The following ZNF423 variants were observed in gnomAD, a reference collection of about 807,000 sequenced individuals.
ZNF423 encodes Ebf-associated zinc finger protein.
Under a neutral mutation model 95.8 loss-of-function variants are expected in ZNF423, and 12 were observed. That is an observed-to-expected ratio of 0.13 (90% confidence interval 0.08 to 0.20). ZNF423 has a LOEUF of 0.20. ZNF423 is among the 10% of genes least tolerant of loss of function. The pLI, the probability that ZNF423 is intolerant of heterozygous loss-of-function variation, is 1.00. For missense variants in ZNF423, 1,316 were observed against 1,737.1 expected (o/e 0.76, Z 4.31); for synonymous variants, 749 against 711.9 (o/e 1.05, Z -0.83).
In ZNF423 at chr16:49,635,323, G is replaced by T. The variant is rs921180192; in HGVS notation, c.3516+337C>A. Among the ~76,000 whole-genome samples, 1 of 152,234 alleles carries T rather than the reference G, an allele frequency of 6.6e-6. No homozygotes were observed. The highest frequency in any genetic ancestry group is 2.4e-5 in the African/African-American group (1 of 41,450). On this transcript the variant is annotated intron_variant, in intron 4 of 7. Coordinates refer to ENST00000563137, the MANE Select transcript of ZNF423 (RefSeq NM_001379286.1). The surrounding 1 kb of genome is among the most constrained non-coding windows in gnomAD (Gnocchi z 4.8). ...CCACCACCCATGGTGCCCTCACTGT[G>T]CATCAGCCACTGTGCCAGGCACATT... is the stretch of plus-strand genomic sequence containing the variant.
chr16:49,754,055 T>C (rs2033680961), intron 2 of ZNF423, among the ~76,000 whole-genome samples: 1 of 148,798 alleles, frequency 6.7e-6, no homozygotes, highest in Non-Finnish European at 1.5e-5. Flanking sequence ...AGCCAGGCAT[T>C]AAAAGGTGGA....
At chr16:49,574,718 G>A (rs1970444948) in intron 5 of ZNF423, among the ~76,000 whole-genome samples, 1 of 135,050 alleles carries the variant, frequency 7.4e-6, no homozygotes, top group South Asian at 2.1e-4. Flanking sequence ...TCCAGGTCGT[G>A]CATCCCACCT....
chr16:49,599,444 G>A (rs142302522), intron 5 of ZNF423, among the ~76,000 whole-genome samples: 1 of 152,176 alleles, frequency 6.6e-6, no homozygotes, highest in Non-Finnish European at 1.5e-5. Flanking sequence ...TTTCACAAAT[G>A]TATAAACCAA....
chr16:49,572,382 G>A (rs1452723617), intron 5 of ZNF423, among the ~76,000 whole-genome samples: 1 of 152,102 alleles, frequency 6.6e-6, no homozygotes, highest in Non-Finnish European at 1.5e-5. Flanking sequence ...ATGAGGTGAA[G>A]GTGTTTTCCG....
chr16:49,607,599 G>A (rs535342753), intron 5 of ZNF423, among the ~76,000 whole-genome samples: 1 of 152,308 alleles, frequency 6.6e-6, no homozygotes, highest in Non-Finnish European at 1.5e-5. Flanking sequence ...GCTGGATAAT[G>A]GGGTTGTTTT....
intron 3 of ZNF423, among the ~76,000 whole-genome samples, chr16:49,647,308 G>A (rs1973214392): frequency 6.6e-6 from 1 of 152,230 alleles, no homozygotes; most frequent in Non-Finnish European, 1.5e-5. Flanking sequence ...TTCCTCACTG[G>A]ATGGCAGGTA....
intron 1 of ZNF423, among the ~76,000 whole-genome samples, chr16:49,829,554 GC>G (rs1456550953): frequency 6.6e-6 from 1 of 152,176 alleles, no homozygotes; most frequent in Non-Finnish European, 1.5e-5. Flanking sequence ...CATCCATGTT[GC>G]CCCCTGGCTT....
intron 1 of ZNF423, among the ~76,000 whole-genome samples, chr16:49,809,578 A>C (rs983389811): frequency 8.5e-5 from 13 of 152,278 alleles, no homozygotes; most frequent in African/African-American, 3.1e-4. Flanking sequence ...GGAAAAGGAG[A>C]ATCCGAGAGA....
chr16:49,748,201 C>T (rs998065031), intron 2 of ZNF423, among the ~76,000 whole-genome samples: 7 of 152,332 alleles, frequency 4.6e-5, no homozygotes, highest in South Asian at 2.1e-4. Flanking sequence ...ACAATAACCC[C>T]GTGTTGAATG....
rs1467911042 is a variant in ZNF423 at position 49,855,913 on chromosome 16, T to TGGGGAGCGGACCGCAGGTCC, written c.-159_-140dup. ...TTTTTTGCAGCCCGGTTGGCGGCTG[T>TGGGGAGCGGACCGCAGGTCC]GGGGAGCGGACCGCAGGTCCGGGGC... On this transcript the variant is annotated 5_prime_UTR_variant, in exon 1 of 8. Transcript: ENST00000563137. This position sits in a 1 kb window ranked among gnomAD's most constrained non-coding sequence, Gnocchi z 4.7. 2 of 145,986 alleles carry TGGGGAGCGGACCGCAGGTCC rather than the reference T, an allele frequency of 1.4e-5. No homozygotes were observed. Among genetic ancestry groups the TGGGGAGCGGACCGCAGGTCC allele is most frequent in the African/African-American group, 2.5e-5 (1 of 39,812 alleles). The allele number at this position is 145,986 out of a possible 1,614,324, so 9.0% of individuals were successfully genotyped here.
At chr16:49,670,010 G>A (rs1296803608) in intron 3 of ZNF423, among the ~76,000 whole-genome samples, 1 of 152,248 alleles carries the variant, frequency 6.6e-6, no homozygotes, top group Non-Finnish European at 1.5e-5. Context: ...CCAAGGGCAA[G>A]CCCCATCTGT....
intron 5 of ZNF423, among the ~76,000 whole-genome samples, chr16:49,531,354 GT>G (rs1437420023): frequency 6.6e-6 from 1 of 151,882 alleles, no homozygotes; most frequent in Non-Finnish European, 1.5e-5. Flanking sequence ...GCGGTAAATG[GT>G]CCTTGGAGAG....
chr16:49,529,063 C>T (rs887666763), intron 5 of ZNF423, among the ~76,000 whole-genome samples: 3 of 151,900 alleles, frequency 2.0e-5, no homozygotes, highest in Non-Finnish European at 2.9e-5. Flanking sequence ...GGCCCCTCCA[C>T]CCCAGCGTGG....
At chr16:49,778,822 G>T (rs973334393) in intron 2 of ZNF423, among the ~76,000 whole-genome samples, 2 of 152,212 alleles carry the variant, frequency 1.3e-5, no homozygotes, top group Admixed American at 1.3e-4. Context: ...CCTCCACATG[G>T]TGTCAATAGC....
intron 5 of ZNF423, among the ~76,000 whole-genome samples, chr16:49,611,124 C>T (rs1567502491): frequency 6.6e-6 from 1 of 152,016 alleles, no homozygotes. Flanking sequence ...AGAAAAGATA[C>T]AGAAGAACTC....
intron 5 of ZNF423, among the ~76,000 whole-genome samples, chr16:49,602,840 C>T (rs1010644717): frequency 6.6e-6 from 1 of 152,188 alleles, no homozygotes; most frequent in African/African-American, 2.4e-5. Flanking sequence ...CTCATTCCCT[C>T]GGTGGCCCCG....
chr16:49,494,120 G>A (rs1967070497), intron 7 of ZNF423, among the ~76,000 whole-genome samples: 1 of 152,184 alleles, frequency 6.6e-6, no homozygotes, highest in South Asian at 2.1e-4. Context: ...TGCTGGTGCA[G>A]ACATGATGAA....
chr16:49,722,651 C>T (rs1227829338), intron 3 of ZNF423, among the ~76,000 whole-genome samples: 2 of 152,228 alleles, frequency 1.3e-5, no homozygotes, highest in African/African-American at 4.8e-5. Flanking sequence ...TCCCAAAGCA[C>T]TGTATCCATG....
chr16:49,746,340 C>T lies in ZNF423; in HGVS notation c.101-15369G>A, dbSNP rs2033523997. Among the ~76,000 whole-genome samples the T allele has an allele frequency of 2.6e-5, 4 of 152,296 alleles. No individual in the cohort carries two copies. The South Asian group carries it at 8.3e-4, about 32-fold the overall frequency. ...CACAGATATCTCAGATCTGCTTGGA[C>T]TCATCGAGCCTCAGCTTCCCCACCT... On this transcript the variant is annotated intron_variant, in intron 2 of 7. Coordinates refer to ENST00000563137, the MANE Select transcript of ZNF423 (RefSeq NM_001379286.1).
Sources: allele counts gnomAD v4.1 joint callset (sites outside exome capture counted in the v4.1 genomes callset), GRCh38; gene constraint gnomAD v4.1.1; non-coding constraint Gnocchi (gnomAD v3.1); transcripts MANE v1.5; gene names NCBI Gene and HGNC (gene_info 2026-07-23, HGNC 2026-07-21).